ATP2B2: variants seen among roughly 807,000 people sequenced by gnomAD.
ATP2B2 encodes ATPase plasma membrane Ca2+ transporting 2.
ATP2B2 carries 15 observed loss-of-function variants against 120.0 expected under a neutral mutation model. That is an observed-to-expected ratio of 0.12 (90% CI 0.08 to 0.19). The LOEUF is 0.19. ATP2B2 is among the 10% of genes least tolerant of loss of function. The pLI, the probability that ATP2B2 is intolerant of heterozygous loss-of-function variation, is 1.00. For missense variants in ATP2B2, 1,045 were observed against 1,719.8 expected (o/e 0.61, Z 6.94); for synonymous variants, 694 against 700.3 (o/e 0.99, Z 0.14).
At chr3:10,408,113 G>A (rs2125005310) in intron 3 of ATP2B2, among the ~76,000 whole-genome samples, 1 of 152,326 alleles carries the variant, frequency 6.6e-6, no homozygotes, top group Middle Eastern at 3.4e-3. Context: ...GCTGCTCAGG[G>A]AGGGCCCTGT....
chr3:10,681,043 T>C (rs1212046001), intron 1 of ATP2B2, among the ~76,000 whole-genome samples: 2 of 152,184 alleles, frequency 1.3e-5, no homozygotes, highest in African/African-American at 4.8e-5. Flanking sequence ...TCTCCCCTGC[T>C]TTCACCATGT....
At chr3:10,358,449 T>C (rs374568394) in intron 14 of ATP2B2, among the ~76,000 whole-genome samples, 1 of 152,222 alleles carries the variant, frequency 6.6e-6, no homozygotes. Flanking sequence ...ACTGCCCCCA[T>C]GGCAGAGCAA....
intron 18 of ATP2B2, among the ~76,000 whole-genome samples, chr3:10,344,373 CA>C (rs1465780846): frequency 6.6e-6 from 1 of 152,194 alleles, no homozygotes; most frequent in Non-Finnish European, 1.5e-5. Flanking sequence ...CCCTTCTGAG[CA>C]AAAGGAAGCC....
intron 2 of ATP2B2, among the ~76,000 whole-genome samples, chr3:10,539,952 T>G (rs2067397558): frequency 6.6e-6 from 1 of 151,878 alleles, no homozygotes; most frequent in South Asian, 2.1e-4. Context: ...TGGGAGAAAA[T>G]TTTTGCAATC....
Position 10,343,117 on chromosome 3 carries a change from G to C in ATP2B2, c.2704-152C>G, listed in dbSNP as rs538558869. 2 of 756,884 alleles carry C rather than the reference G, an allele frequency of 2.6e-6. No homozygotes were observed. Among genetic ancestry groups the C allele is most frequent in the Admixed American group, 4.5e-5 (2 of 44,330 alleles). The allele number at this position is 756,884 out of a possible 1,614,324, so 46.9% of individuals were successfully genotyped here. A position where few individuals can be genotyped will look rare whatever the true frequency, so the allele number is the denominator to read the frequency against. On this transcript the variant is annotated intron_variant, in intron 18 of 22. Coordinates refer to ENST00000360273, the MANE Select transcript of ATP2B2 (RefSeq NM_001001331.4). The surrounding 1 kb of genome is among the most constrained non-coding windows in gnomAD (Gnocchi z 4.2). ...CCCAGCAGGCATGGAGTTGTTCTCT[G>C]ATGCCTTCTCTGGAGAACAGTGCAG...
intron 5 of ATP2B2, among the ~76,000 whole-genome samples, chr3:10,390,550 T>C (rs915363655): frequency 1.3e-5 from 2 of 151,824 alleles, no homozygotes; most frequent in Non-Finnish European, 2.9e-5. Context: ...AGCCTCTTGG[T>C]CTCTGGGGTC....
intron 2 of ATP2B2, among the ~76,000 whole-genome samples, chr3:10,447,361 C>T (rs753902448): frequency 1.3e-5 from 2 of 152,200 alleles, no homozygotes; most frequent in Non-Finnish European, 1.5e-5. Context: ...GGAACTTGGC[C>T]GTGAGCTGCT....
chr3:10,671,655 C>G (rs2071100418), intron 1 of ATP2B2, among the ~76,000 whole-genome samples: 1 of 152,146 alleles, frequency 6.6e-6, no homozygotes, highest in African/African-American at 2.4e-5. Context: ...AAGGTCTCTT[C>G]TTGTTTGGAG....
At chr3:10,556,376 G>A (rs1428619533) in intron 2 of ATP2B2, among the ~76,000 whole-genome samples, 1 of 152,230 alleles carries the variant, frequency 6.6e-6, no homozygotes, top group Non-Finnish European at 1.5e-5. Context: ...CCCTCGAGCT[G>A]TCTTTCTAGT....
chr3:10,378,230 G>T, intron 10 of ATP2B2, 22 bp downstream of exon 10: 4 of 1,601,744 alleles, frequency 2.5e-6, no homozygotes, highest in Non-Finnish European at 3.4e-6. Flanking sequence ...CCTGTCCCCT[G>T]CCTCCCACCT....
Position 10,342,660 on chromosome 3 carries a change from G to A in ATP2B2, c.2917+92C>T. The A allele has an allele frequency of 6.9e-7, 1 of 1,456,724 alleles. No individual in the cohort carries two copies. The highest frequency in any genetic ancestry group is 9.5e-7 in the Non-Finnish European group (1 of 1,049,458). 90.2% of individuals were successfully genotyped at this position (1,456,724 alleles called of 1,614,324 possible). ...TTTCCCCATTAGCAAAACAGGAGGG[G>A]GTTGTGACTCGAGAATGCTGGGTGA... On this transcript the variant is annotated intron_variant, in intron 19 of 22. Coordinates refer to ENST00000360273, the MANE Select transcript of ATP2B2 (RefSeq NM_001001331.4). This position sits in a 1 kb window ranked among gnomAD's most constrained non-coding sequence, Gnocchi z 4.4.
At chr3:10,690,285 C>T (rs1213947877) in intron 1 of ATP2B2, among the ~76,000 whole-genome samples, 1 of 152,228 alleles carries the variant, frequency 6.6e-6, no homozygotes, top group African/African-American at 2.4e-5. Flanking sequence ...CGCGGGCAGC[C>T]ATTGCTGCAG....
chr3:10,340,879 C>T lies in ATP2B2; in HGVS notation c.2918-175G>A, dbSNP rs2060255659. On this transcript the variant is annotated intron_variant, in intron 19 of 22. Transcript: ENST00000360273. This position sits in a 1 kb window ranked among gnomAD's most constrained non-coding sequence, Gnocchi z 5.0. The stretch of plus-strand genomic sequence containing the variant: ...GCTGTCAGCTGGTCAGAGACTAGGA[C>T]TGAAGGGTCAGCAAAGCCCTTTCTC... 6.6e-6 allele frequency among the ~76,000 whole-genome samples: 1 copy of T among 152,084 alleles called. No homozygotes were observed. Among genetic ancestry groups the T allele is most frequent in the South Asian group, 2.1e-4 (1 of 4,814 alleles).
rs750180129 is a variant in ATP2B2, at chr3:10,401,041, G to A, written c.693C>T (p.Gly231=). The A allele has an allele frequency of 1.2e-6, 2 of 1,614,142 alleles. No homozygotes were observed. The highest frequency in any genetic ancestry group is 2.2e-5 in the East Asian group (1 of 44,874). ...LLPADGLFIQ[G]NDLKIDESSL... ...AGCTTTCATCAATCTTGAGGTCATT[G>A]CCCTGGATGAAGAGGCCGTCGGCAG... The change falls in exon 5 of 23, where the codon GGC becomes GGT. Residue 231 remains glycine (G), a synonymous_variant. Coordinates refer to ENST00000360273, the MANE Select transcript of ATP2B2 (RefSeq NM_001001331.4).
intron 1 of ATP2B2, among the ~76,000 whole-genome samples, chr3:10,463,241 C>G (rs2064575336): frequency 6.6e-6 from 1 of 152,184 alleles, no homozygotes; most frequent in Non-Finnish European, 1.5e-5. Context: ...GCCTCCCCAA[C>G]TAGGCCCTGA....
At chr3:10,535,412 T>TGTGC (rs1173924774) in intron 2 of ATP2B2, among the ~76,000 whole-genome samples, 3 of 151,940 alleles carry the variant, frequency 2.0e-5, no homozygotes, top group African/African-American at 7.3e-5. Context: ...TGTGTGTGTG[T>TGTGC]GTGTGTAGCT....
chr3:10,348,042 C>T (rs1391672538), intron 16 of ATP2B2, among the ~76,000 whole-genome samples: 2 of 152,104 alleles, frequency 1.3e-5, no homozygotes, highest in Non-Finnish European at 2.9e-5. Context: ...AGGTTCTCAG[C>T]CTGCACCATC....
chr3:10,472,518 G>A (rs1285035244), intron 1 of ATP2B2, among the ~76,000 whole-genome samples: 3 of 152,190 alleles, frequency 2.0e-5, no homozygotes, highest in Non-Finnish European at 2.9e-5. Flanking sequence ...CCTCGGATTC[G>A]GGTTATTTTG....
intron 3 of ATP2B2, among the ~76,000 whole-genome samples, chr3:10,403,523 G>A (rs983866233): frequency 6.6e-6 from 1 of 152,244 alleles, no homozygotes; most frequent in Non-Finnish European, 1.5e-5. Flanking sequence ...ATCCCCACAA[G>A]GGTCCTGAGA....
Sources: allele counts gnomAD v4.1 joint callset (sites outside exome capture counted in the v4.1 genomes callset), GRCh38; gene constraint gnomAD v4.1.1; non-coding constraint Gnocchi (gnomAD v3.1); transcripts MANE v1.5; gene names NCBI Gene and HGNC (gene_info 2026-07-23, HGNC 2026-07-21).